The following RAD51B variants were observed in gnomAD, a reference collection of about 807,000 sequenced individuals.
The protein encoded by RAD51B is DNA repair protein RAD51 homolog 2.
Under a neutral mutation model 42.2 loss-of-function variants are expected in RAD51B, and 38 were observed. That is an observed-to-expected ratio of 0.90 (90% confidence interval 0.70 to 1.18). RAD51B has a LOEUF of 1.18. Ranked by LOEUF, RAD51B falls within the 50% of genes most tolerant of loss-of-function variation. RAD51B has a pLI of 0.00. For missense variants in RAD51B, 373 were observed against 400.7 expected (o/e 0.93, Z 0.59); for synonymous variants, 154 against 145.2 (o/e 1.06, Z -0.43).
chr14:68,359,961 G>A (rs1271309354), intron 8 of RAD51B, among the ~76,000 whole-genome samples: 1 of 152,208 alleles, frequency 6.6e-6, no homozygotes, highest in Admixed American at 6.5e-5. Flanking sequence ...TGTTTGCAGG[G>A]TGCAGGGAAA....
intron 11 of RAD51B, among the ~76,000 whole-genome samples, chr14:68,664,915 A>C (rs1893002462): frequency 6.6e-6 from 1 of 152,200 alleles, no homozygotes; most frequent in Non-Finnish European, 1.5e-5. Flanking sequence ...TCCTCTTCTC[A>C]GCCTCTTCTG....
chr14:67,862,600 T>C (rs2042199984), intron 4 of RAD51B, among the ~76,000 whole-genome samples: 1 of 152,212 alleles, frequency 6.6e-6, no homozygotes, highest in African/African-American at 2.4e-5. Flanking sequence ...GTCCAACAAA[T>C]GATGTATTTC....
At chr14:68,335,701 G>T (rs2082441818) in intron 8 of RAD51B, among the ~76,000 whole-genome samples, 1 of 152,196 alleles carries the variant, frequency 6.6e-6, no homozygotes, top group Non-Finnish European at 1.5e-5. Context: ...TGAAGAAATT[G>T]TGGTCTTGAG....
At position 68,199,320 on chromosome 14, in the gene RAD51B, A is replaced by G. The variant is rs377183458; in HGVS notation, c.757-92564A>G. On this transcript the variant is annotated intron_variant, in intron 7 of 10. Coordinates refer to ENST00000471583, the MANE Select transcript of RAD51B (RefSeq NM_133510.4). ...ATATCATCAGGGTTTTCAGCAGCCA[A>G]GTCACACTGTTGGCTCATGTAATGT... Among the ~76,000 whole-genome samples the G allele has an allele frequency of 1.6e-4, 25 of 152,320 alleles. 1 individual carries two copies. In the South Asian group the frequency reaches 5.2e-3, roughly 32 times the overall value.
intron 7 of RAD51B, among the ~76,000 whole-genome samples, chr14:67,971,852 T>C (rs1447287093): frequency 6.6e-6 from 1 of 151,940 alleles, no homozygotes; most frequent in Non-Finnish European, 1.5e-5. Flanking sequence ...AAAATGATAA[T>C]GGCTATATAA....
intron 7 of RAD51B, among the ~76,000 whole-genome samples, chr14:67,912,095 A>G (rs531687694): frequency 6.6e-6 from 1 of 152,370 alleles, no homozygotes; most frequent in South Asian, 2.1e-4. Context: ...AAAGCAAAGC[A>G]TATTTTAAAA....
chr14:67,990,675 G>A (rs1477408881), intron 7 of RAD51B, among the ~76,000 whole-genome samples: 2 of 151,766 alleles, frequency 1.3e-5, no homozygotes, highest in Non-Finnish European at 2.9e-5. Context: ...ACTATTTATT[G>A]CCTAAGAACT....
At chr14:68,651,524 G>T (rs4902626) in intron 11 of RAD51B, among the ~76,000 whole-genome samples, 29,452 of 152,128 alleles carry the variant, frequency 0.19, 3,003 homozygotes, top group Admixed American at 0.23. Context: ...TATCCAGAAG[G>T]ATGGGTTTTG....
intron 8 of RAD51B, among the ~76,000 whole-genome samples, chr14:68,327,919 C>T (rs575276144): frequency 1.3e-5 from 2 of 152,120 alleles, no homozygotes; most frequent in East Asian, 1.9e-4. Context: ...TTCACTAATA[C>T]GTATTTATTT....
At chr14:68,135,057 T>C (rs748816745) in intron 7 of RAD51B, among the ~76,000 whole-genome samples, 3 of 152,232 alleles carry the variant, frequency 2.0e-5, no homozygotes, top group Non-Finnish European at 4.4e-5. Flanking sequence ...CTTTTTCAGC[T>C]CAGACGTGTT....
chr14:67,873,353 G>A (rs981550832), intron 5 of RAD51B, among the ~76,000 whole-genome samples: 25 of 152,094 alleles, frequency 1.6e-4, no homozygotes, highest in African/African-American at 6.0e-4. Context: ...ACCATCACTG[G>A]CCATCAGAGA....
At chr14:67,881,691 A>G (rs559129731) in intron 5 of RAD51B, among the ~76,000 whole-genome samples, 1 of 150,690 alleles carries the variant, frequency 6.6e-6, no homozygotes, top group East Asian at 1.9e-4. Context: ...CTTTCTCTCA[A>G]GGATTACAGT....
intron 10 of RAD51B, among the ~76,000 whole-genome samples, chr14:68,640,997 AC>A (rs1334244667): frequency 1.6e-4 from 25 of 152,290 alleles, no homozygotes; most frequent in African/African-American, 5.5e-4. Context: ...AATGGTCTTT[AC>A]CCTGTGGGCA....
chr14:67,848,018 C>CT (rs2041678602), intron 4 of RAD51B, among the ~76,000 whole-genome samples: 1 of 152,076 alleles, frequency 6.6e-6, no homozygotes, highest in Non-Finnish European at 1.5e-5. Flanking sequence ...GGATTGTACA[C>CT]TTTTTTGTTG....
chr14:68,488,041 G>A (rs758188498), intron 10 of RAD51B, among the ~76,000 whole-genome samples: 1 of 152,110 alleles, frequency 6.6e-6, no homozygotes, highest in Non-Finnish European at 1.5e-5. Flanking sequence ...GCTAAGCTAG[G>A]TGGGGAGGGT....
intron 1 of RAD51B, among the ~76,000 whole-genome samples, chr14:67,822,739 C>A (rs11158696): frequency 0.49 from 73,347 of 148,780 alleles, 18,661 homozygotes; most frequent in African/African-American, 0.6. Context: ...CTCTCTCTCT[C>A]TATATATATA....
At chr14:68,167,210 C>T (rs184310439) in intron 7 of RAD51B, among the ~76,000 whole-genome samples, 1 of 151,974 alleles carries the variant, frequency 6.6e-6, no homozygotes, top group South Asian at 2.1e-4. Context: ...GTCTTGAATC[C>T]TCTTATGACC....
chr14:68,100,398 T>C (rs967414503), intron 7 of RAD51B, among the ~76,000 whole-genome samples: 1 of 152,180 alleles, frequency 6.6e-6, no homozygotes, highest in African/African-American at 2.4e-5. Flanking sequence ...CCCAGGCTCT[T>C]GAACTCCTGA....
chr14:67,859,842 C>T (rs1344482198), intron 4 of RAD51B, among the ~76,000 whole-genome samples: 1 of 151,152 alleles, frequency 6.6e-6, no homozygotes, highest in Admixed American at 6.6e-5. Flanking sequence ...TTTTTTTGAG[C>T]GAAGTTTTGC....
Sources: allele counts gnomAD v4.1 joint callset (sites outside exome capture counted in the v4.1 genomes callset), GRCh38; gene constraint gnomAD v4.1.1; transcripts MANE v1.5; gene names NCBI Gene and HGNC (gene_info 2026-07-23, HGNC 2026-07-21).